Variants in ABCA1 observed in about 807,000 individuals in gnomAD.
ABCA1 encodes the protein phospholipid-transporting ATPase ABCA1.
In ABCA1, 133 loss-of-function variants were observed where a neutral mutation model predicts 262.5. That is an observed-to-expected ratio of 0.51 (90% CI 0.44 to 0.59). The LOEUF is 0.59. Ranked by LOEUF, ABCA1 falls within the 20% of genes least tolerant of loss-of-function variation. The pLI, the probability that ABCA1 is intolerant of heterozygous loss-of-function variation, is 0.00. For synonymous variants in ABCA1, 1,022 were observed against 1,043.5 expected (o/e 0.98, Z 0.40); for missense variants, 2,452 against 2,777.5 (o/e 0.88, Z 2.63).
intron 29 of ABCA1, among the ~76,000 whole-genome samples, chr9:104,810,366 A>G (rs1304399881): frequency 6.6e-6 from 1 of 151,996 alleles, no homozygotes; most frequent in Non-Finnish European, 1.5e-5. Context: ...TAACATCCCA[A>G]ATATAACAGA....
chr9:104,925,585 T>C (rs1826260822), intron 1 of ABCA1, among the ~76,000 whole-genome samples: 1 of 152,138 alleles, frequency 6.6e-6, no homozygotes, highest in African/African-American at 2.4e-5. Flanking sequence ...GTCCCTTAAA[T>C]GGCTTGTAGT....
chr9:104,916,495 C>T (rs12335854), intron 1 of ABCA1, among the ~76,000 whole-genome samples: 17,109 of 152,204 alleles, frequency 0.11, 1,198 homozygotes, highest in African/African-American at 0.2. Flanking sequence ...CAGACATCTA[C>T]AGACACAATT....
At chr9:104,823,456 T>A (rs544162890) in intron 18 of ABCA1, among the ~76,000 whole-genome samples, 12 of 152,322 alleles carry the variant, frequency 7.9e-5, no homozygotes, top group Admixed American at 7.8e-4. Context: ...GGAAACTGGA[T>A]GAAAGGTTTA....
chr9:104,899,640 G>T (rs1219663982), intron 2 of ABCA1, among the ~76,000 whole-genome samples: 1 of 151,966 alleles, frequency 6.6e-6, no homozygotes, highest in Non-Finnish European at 1.5e-5. Flanking sequence ...GTTGCGGCGA[G>T]CTGAGATCAT....
chr9:104,861,997 T>C (rs976359311), intron 5 of ABCA1, among the ~76,000 whole-genome samples, 197 bp from the exon 6 acceptor site: 1 of 151,986 alleles, frequency 6.6e-6, no homozygotes, highest in Non-Finnish European at 1.5e-5. Context: ...TGGTAACATG[T>C]TGAGCCACAC....
chr9:104,867,424 T>C (rs1324853076), intron 5 of ABCA1, among the ~76,000 whole-genome samples: 2 of 152,188 alleles, frequency 1.3e-5, no homozygotes, highest in African/African-American at 4.8e-5. Flanking sequence ...TCTGAACAGA[T>C]TCATGGCTAA....
intron 2 of ABCA1, among the ~76,000 whole-genome samples, chr9:104,899,641 C>A (rs1295938335): frequency 6.6e-6 from 1 of 151,868 alleles, no homozygotes; most frequent in Non-Finnish European, 1.5e-5. Flanking sequence ...TTGCGGCGAG[C>A]TGAGATCATA....
At chr9:104,893,304 C>A (rs901874929) in intron 2 of ABCA1, among the ~76,000 whole-genome samples, 9 of 151,340 alleles carry the variant, frequency 5.9e-5, no homozygotes, top group Admixed American at 5.3e-4. Context: ...AGCCTGTAAT[C>A]CCAGCTACTC....
chr9:104,916,395 T>G (rs1236040718), intron 1 of ABCA1, among the ~76,000 whole-genome samples: 1 of 152,168 alleles, frequency 6.6e-6, no homozygotes, highest in African/African-American at 2.4e-5. Context: ...GAAAGACGCC[T>G]TAAGATTCAA....
rs1700763902 is a variant in ABCA1 at position 104,814,540 on chromosome 9, CG to C, written c.3739-66del. On this transcript the variant is annotated intron_variant, in intron 25 of 49. Coordinates refer to ENST00000374736, the MANE Select transcript of ABCA1 (RefSeq NM_005502.4). ...ATTACGAGAGTAGTCACCACTGCCA[CG>C]ATTATTATATTACTGAGTGGCATGT... The C allele has an allele frequency of 4.2e-6, 6 of 1,443,180 alleles. No individual in the cohort carries two copies. The African/African-American group carries it at 8.4e-5, about 20-fold the overall frequency. The allele number at this position is 1,443,180 out of a possible 1,614,324, so 89.4% of individuals were successfully genotyped here. A position where few individuals can be genotyped will look rare whatever the true frequency, so the allele number is the denominator to read the frequency against.
chr9:104,794,162 G>C (rs2118868275), intron 40 of ABCA1, among the ~76,000 whole-genome samples: 1 of 152,254 alleles, frequency 6.6e-6, no homozygotes, highest in East Asian at 1.9e-4. Flanking sequence ...CTTCAAAACT[G>C]CCCTTTCACT....
At chr9:104,800,032 G>T in intron 35 of ABCA1, 44 bp from the exon 36 acceptor site, 1 of 1,611,780 alleles carries the variant, frequency 6.2e-7, no homozygotes, top group Non-Finnish European at 8.5e-7. Context: ...CCCCAAACCG[G>T]GCTCCTGCAG....
chr9:104,801,049 T>C lies in ABCA1; in HGVS notation c.4699-465A>G, dbSNP rs115559561. 6.9e-3 allele frequency among the ~76,000 whole-genome samples: 994 copies of C among 143,128 alleles called. 11 individuals are homozygous for C. The highest frequency in any genetic ancestry group is 0.025 in the African/African-American group (941 of 38,082). 93.9% of individuals were successfully genotyped at this position (143,128 alleles called of 152,430 possible). On this transcript the variant is annotated intron_variant, in intron 34 of 49. Coordinates refer to ENST00000374736, the MANE Select transcript of ABCA1 (RefSeq NM_005502.4). ...GAGCCCCTTAATTCTCACCTAAAAATGGGAAACCTGAGACACAGAGAAATG... is the reference window on the plus strand; with the variant it reads ...GAGCCCCTTAATTCTCACCTAAAAACGGGAAACCTGAGACACAGAGAAATG...
intron 5 of ABCA1, among the ~76,000 whole-genome samples, chr9:104,869,553 C>G (rs563461043): frequency 1.3e-5 from 2 of 152,140 alleles, no homozygotes; most frequent in Non-Finnish European, 2.9e-5. Context: ...GAAGAATAGA[C>G]GATGCCTGCT....
intron 13 of ABCA1, 118 bp downstream of exon 13, chr9:104,831,504 T>A: frequency 1.2e-6 from 1 of 867,814 alleles, no homozygotes; most frequent in Non-Finnish European, 1.7e-6. Context: ...GTTGAGTTTT[T>A]TTGTTGTTGT....
chr9:104,860,905 T>C (rs763337627), intron 6 of ABCA1, among the ~76,000 whole-genome samples: 4 of 152,018 alleles, frequency 2.6e-5, no homozygotes, highest in South Asian at 2.1e-4. Flanking sequence ...TACAGGAGCA[T>C]GCCACCACGC....
chr9:104,864,148 G>C (rs1836870132), intron 5 of ABCA1, among the ~76,000 whole-genome samples: 1 of 152,326 alleles, frequency 6.6e-6, no homozygotes, highest in Admixed American at 6.5e-5. Flanking sequence ...GCCTGGCACA[G>C]AATTACTGCC....
intron 5 of ABCA1, among the ~76,000 whole-genome samples, chr9:104,864,108 C>T (rs4149281): frequency 0.26 from 39,038 of 152,098 alleles, 6,869 homozygotes; most frequent in African/African-American, 0.49. Context: ...AGGGAATATG[C>T]GTTCTTAGTA....
chr9:104,794,271 TG>T, intron 40 of ABCA1, 115 bp downstream of exon 40: 1 of 1,502,956 alleles, frequency 6.7e-7, no homozygotes, highest in Non-Finnish European at 9.2e-7. Flanking sequence ...GGCATGGGGG[TG>T]GGGGAACATC....
Sources: gnomAD v4.1 joint callset for allele counts (sites outside exome capture counted in the v4.1 genomes callset) on GRCh38, gnomAD v4.1.1 for gene constraint, MANE v1.5 for transcripts, NCBI Gene and HGNC (gene_info 2026-07-23, HGNC 2026-07-21) for gene names.